CCDC38: variants seen among roughly 807,000 people sequenced by gnomAD.
CCDC38 encodes the protein coiled-coil domain-containing protein 38.
In CCDC38, 69 loss-of-function variants were observed where a neutral mutation model predicts 72.8. The ratio of observed to expected loss-of-function variants is 0.95; its 90% CI spans 0.78 to 1.16. The LOEUF (loss-of-function observed/expected upper bound fraction) is 1.16, where lower values mean the gene tolerates loss of function less well. Ranked by LOEUF, CCDC38 falls within the 50% of genes most tolerant of loss-of-function variation. CCDC38 has a pLI of 0.00. For synonymous variants in CCDC38, 201 were observed against 213.2 expected (o/e 0.94, Z 0.50); for missense variants, 626 against 638.9 (o/e 0.98, Z 0.22).
chr12:95,915,447 C>G (rs935433741), intron 4 of CCDC38, among the ~76,000 whole-genome samples: 7 of 152,226 alleles, frequency 4.6e-5, no homozygotes, highest in Non-Finnish European at 1.0e-4. Flanking sequence ...TGGCACTTCT[C>G]TCATGTAGGC....
chr12:95,939,571 G>A (rs2080428183), intron 1 of CCDC38, among the ~76,000 whole-genome samples: 1 of 152,192 alleles, frequency 6.6e-6, no homozygotes. Flanking sequence ...TGGTTTGGAT[G>A]TGGAGTATGA....
At chr12:95,905,346 AT>A (rs1565955237) in intron 5 of CCDC38, among the ~76,000 whole-genome samples, 1 of 152,188 alleles carries the variant, frequency 6.6e-6, no homozygotes, top group East Asian at 1.9e-4. Context: ...AATGAGGTAT[AT>A]TTAATATAAA....
chr12:95,906,392 G>A lies in CCDC38; in HGVS notation c.364C>T (p.Leu122Phe). Residue 122 changes from leucine (L) to phenylalanine (F), a missense_variant, in exon 5 of 16, where the codon CTC becomes TTC. Physicochemically the swap from Leu to Phe is conservative, Grantham distance 22 (BLOSUM62 0). Transcript: ENST00000344280. ...AGAAAAGTTATTTTTACTACCTCGA[G>A]CAGAAACCTGTCTCTCTGGTCATTA... ...FINDQRDRFL[L>F]EYALSTKRNT... 6.2e-7 allele frequency: 1 copy of A among 1,609,872 alleles called. No individual in the cohort carries two copies. Among genetic ancestry groups the A allele is most frequent in the South Asian group, 1.1e-5 (1 of 90,688 alleles).
intron 3 of CCDC38, among the ~76,000 whole-genome samples, chr12:95,917,698 C>T (rs1160240714): frequency 1.3e-5 from 2 of 150,310 alleles, no homozygotes; most frequent in Admixed American, 6.6e-5. Context: ...GATGGAGAAA[C>T]CCCTCTCTAC....
At chr12:95,914,880 A>G (rs2080129243) in intron 4 of CCDC38, among the ~76,000 whole-genome samples, 1 of 152,062 alleles carries the variant, frequency 6.6e-6, no homozygotes, top group South Asian at 2.1e-4. Flanking sequence ...GATCTGACAT[A>G]TTGTATCCTC....
At chr12:95,931,397 GC>G (rs1330050805) in intron 2 of CCDC38, among the ~76,000 whole-genome samples, 1 of 152,192 alleles carries the variant, frequency 6.6e-6, no homozygotes, top group African/African-American at 2.4e-5. Context: ...AATCATATTT[GC>G]AAAGTCCCTT....
rs752600333 is a variant in CCDC38, at chr12:95,917,146, A to G, written c.287T>C (p.Ile96Thr). 2 of 1,577,388 alleles carry G rather than the reference A, an allele frequency of 1.3e-6. No homozygotes were observed. The highest frequency in any genetic ancestry group is 2.8e-5 in the African/African-American group (2 of 72,450). ...FEKFGPGPAPIPRLIEGSDTK... is the reference protein window; with the variant it reads ...FEKFGPGPAPTPRLIEGSDTK... ...AGACTCACCTTCTATTAATCTAGGA[A>G]TCGGAGCAGGACCTGGCCCAAACTT... The change falls in exon 4 of 16, where the codon ATT (isoleucine) becomes ACT (threonine). Residue 96 changes from isoleucine to threonine, a missense_variant. Physicochemically the swap from Ile to Thr is moderately conservative, Grantham distance 89 (BLOSUM62 -1). Coordinates refer to ENST00000344280, the MANE Select transcript of CCDC38 (RefSeq NM_182496.3).
At chr12:95,887,693 C>G (rs2079775344) in intron 10 of CCDC38, among the ~76,000 whole-genome samples, 1 of 152,152 alleles carries the variant, frequency 6.6e-6, no homozygotes, top group East Asian at 1.9e-4. Context: ...ATGTCAATAT[C>G]CTGGTTATGG....
intron 5 of CCDC38, among the ~76,000 whole-genome samples, chr12:95,898,984 T>C (rs2079923016): frequency 1.3e-5 from 2 of 152,202 alleles, no homozygotes. Context: ...AAAAAATAGC[T>C]GCATATTCCT....
At chr12:95,886,534 T>C (rs1583518) in intron 10 of CCDC38, among the ~76,000 whole-genome samples, 70,280 of 151,932 alleles carry the variant, frequency 0.46, 16,627 homozygotes, top group African/African-American at 0.55. Context: ...AGACAATCTA[T>C]ACACTCAGAG....
intron 13 of CCDC38, among the ~76,000 whole-genome samples, chr12:95,873,631 G>C (rs2079605349): frequency 6.6e-6 from 1 of 152,204 alleles, no homozygotes; most frequent in African/African-American, 2.4e-5. Context: ...TCAACAAACT[G>C]CTGGGCAATG....
At chr12:95,888,431 A>G in intron 10 of CCDC38, 27 bp downstream of exon 10, 1 of 1,602,236 alleles carries the variant, frequency 6.2e-7, no homozygotes, top group Non-Finnish European at 8.5e-7. Flanking sequence ...CCAGTTTCCA[A>G]GGGAGTTAGT....
chr12:95,899,173 C>T (rs1392533956), intron 5 of CCDC38, among the ~76,000 whole-genome samples: 1 of 152,156 alleles, frequency 6.6e-6, no homozygotes, highest in African/African-American at 2.4e-5. Context: ...GGGAGCCAGC[C>T]CAAGGGTACC....
Position 95,898,367 on chromosome 12 carries a change from G to C in CCDC38, c.614+18C>G. ...GGTCGTGGAAATTTGGCCACGAGAA[G>C]ATTGTGCCCACCCTCACCTTTTCAC... On this transcript the variant is annotated intron_variant, in intron 7 of 15. Coordinates refer to ENST00000344280, the MANE Select transcript of CCDC38 (RefSeq NM_182496.3). 1.2e-6 allele frequency: 2 copies of C among 1,613,230 alleles called. No homozygotes were observed. Among genetic ancestry groups the C allele is most frequent in the South Asian group, 2.2e-5 (2 of 91,070 alleles).
intron 7 of CCDC38, among the ~76,000 whole-genome samples, chr12:95,897,816 G>A (rs1174207399): frequency 2.0e-5 from 3 of 151,882 alleles, no homozygotes; most frequent in South Asian, 2.1e-4. Context: ...GACTTCACTT[G>A]AACTCCTGGG....
chr12:95,919,325 C>A, intron 2 of CCDC38: 1 of 358,808 alleles, frequency 2.8e-6, no homozygotes. Context: ...TATTTGAACA[C>A]AGTTTGAGCA....
At chr12:95,895,707 C>G (rs577888455) in intron 7 of CCDC38, among the ~76,000 whole-genome samples, 2 of 134,934 alleles carry the variant, frequency 1.5e-5, no homozygotes, top group African/African-American at 2.9e-5. Context: ...GGGCCGAGAT[C>G]GTGCCATTGC....
chr12:95,868,110 G>T (rs1164112982), intron 15 of CCDC38, among the ~76,000 whole-genome samples: 1 of 152,182 alleles, frequency 6.6e-6, no homozygotes, highest in African/African-American at 2.4e-5. Flanking sequence ...TAGTGTCTGA[G>T]AAAATTAGCA....
At chr12:95,878,099 A>G (rs1254334894) in intron 13 of CCDC38, 112 bp downstream of exon 13, 17 of 1,246,206 alleles carry the variant, frequency 1.4e-5, no homozygotes, top group Admixed American at 4.4e-5. Context: ...TCTGTCATCA[A>G]TCTAGGACTT....
Sources: allele counts gnomAD v4.1 joint callset (sites outside exome capture counted in the v4.1 genomes callset), GRCh38; gene constraint gnomAD v4.1.1; transcripts MANE v1.5; gene names NCBI Gene and HGNC (gene_info 2026-07-23, HGNC 2026-07-21).